MAP2: variants seen among roughly 807,000 people sequenced by gnomAD.
The protein encoded by MAP2 is microtubule-associated protein 2.
Under a neutral mutation model 137.6 loss-of-function variants are expected in MAP2, and 14 were observed. That is an observed-to-expected ratio of 0.10 (90% CI 0.07 to 0.16). The LOEUF (loss-of-function observed/expected upper bound fraction) is 0.16, where lower values mean the gene tolerates loss of function less well. Ranked by LOEUF, MAP2 falls within the 10% of genes least tolerant of loss-of-function variation. The probability of loss-of-function intolerance (pLI) is 1.00; values close to 1 mark genes in which losing one functional copy is unlikely to be tolerated. For missense variants in MAP2, 2,088 were observed against 2,191.5 expected (o/e 0.95, Z 0.94); for synonymous variants, 786 against 782.3 (o/e 1.00, Z -0.08).
chr2:209,447,211 T>C (rs1187307356), intron 1 of MAP2, among the ~76,000 whole-genome samples: 1 of 151,992 alleles, frequency 6.6e-6, no homozygotes, highest in Non-Finnish European at 1.5e-5. Flanking sequence ...AAGTGACATT[T>C]CATTAAATTG....
intron 2 of MAP2, among the ~76,000 whole-genome samples, chr2:209,554,205 T>C (rs1409845764): frequency 6.6e-6 from 1 of 152,210 alleles, no homozygotes; most frequent in Non-Finnish European, 1.5e-5. Context: ...TTCAGTCTTT[T>C]GGGTATTCAA....
chr2:209,652,501 T>A (rs533059918), intron 4 of MAP2, among the ~76,000 whole-genome samples: 5 of 152,166 alleles, frequency 3.3e-5, no homozygotes, highest in Admixed American at 6.5e-5. Context: ...ACTTTAAGTT[T>A]TAGGGTACAT....
intron 2 of MAP2, among the ~76,000 whole-genome samples, chr2:209,576,800 G>A (rs1253794081): frequency 1.3e-5 from 2 of 152,084 alleles, no homozygotes; most frequent in Non-Finnish European, 2.9e-5. Flanking sequence ...TCAATTGTCG[G>A]TTGTCTTGTA....
intron 2 of MAP2, among the ~76,000 whole-genome samples, chr2:209,526,786 T>A (rs540528505): frequency 1.8e-4 from 28 of 151,640 alleles, no homozygotes; most frequent in African/African-American, 3.4e-4. Context: ...TCTAACGGCA[T>A]CCCTGTTTTC....
chr2:209,467,068 C>T (rs1170912349), intron 1 of MAP2, among the ~76,000 whole-genome samples: 1 of 152,200 alleles, frequency 6.6e-6, no homozygotes, highest in East Asian at 1.9e-4. Context: ...AAGGAGAACA[C>T]TTCATGCCCA....
In MAP2 at chr2:209,488,546, A is replaced by G. The variant is rs568795430; in HGVS notation, c.-221-19046A>G. Among the ~76,000 whole-genome samples the G allele has an allele frequency of 3.3e-5, 5 of 152,258 alleles. No homozygotes were observed. In the East Asian group the frequency reaches 9.7e-4, roughly 30 times the overall value. ...AAGCTAAGATCCGCTGGCTTGAAACACTTGCTGCCAGCACAGCAGTCTGAA... is the reference window on the plus strand; with the variant it reads ...AAGCTAAGATCCGCTGGCTTGAAACGCTTGCTGCCAGCACAGCAGTCTGAA... On this transcript the variant is annotated intron_variant, in intron 1 of 15. Coordinates refer to ENST00000682079, the MANE Select transcript of MAP2 (RefSeq NM_001375505.1).
chr2:209,522,549 AT>A (rs2150410773), intron 2 of MAP2, among the ~76,000 whole-genome samples: 1 of 152,296 alleles, frequency 6.6e-6, no homozygotes, highest in African/African-American at 2.4e-5. Context: ...ATAATCAAGC[AT>A]TGTATTTCTG....
chr2:209,483,835 C>T lies in MAP2; in HGVS notation c.-221-23757C>T, dbSNP rs187115264. ...CACCATTTACTTTCATCCATCCTTTCATCATGGGGAAGATTAAATGGGACA... is the reference window on the plus strand; with the variant it reads ...CACCATTTACTTTCATCCATCCTTTTATCATGGGGAAGATTAAATGGGACA... On this transcript the variant is annotated intron_variant, in intron 1 of 15. Coordinates refer to ENST00000682079, the MANE Select transcript of MAP2 (RefSeq NM_001375505.1). Among the ~76,000 whole-genome samples, 468 of 152,270 alleles carry T rather than the reference C, an allele frequency of 3.1e-3. 6 individuals carry two copies. Among genetic ancestry groups the T allele is most frequent in the Non-Finnish European group, 8.2e-4 (56 of 68,022 alleles).
chr2:209,540,893 A>G (rs1255861358), intron 2 of MAP2, among the ~76,000 whole-genome samples: 1 of 150,786 alleles, frequency 6.6e-6, no homozygotes, highest in African/African-American at 2.5e-5. Flanking sequence ...GCCACGATAA[A>G]GCAAGTCACA....
At chr2:209,619,545 A>G (rs2090525677) in intron 3 of MAP2, among the ~76,000 whole-genome samples, 1 of 152,152 alleles carries the variant, frequency 6.6e-6, no homozygotes, top group South Asian at 2.1e-4. Flanking sequence ...AGTGTAGTAT[A>G]TAAATAAGCA....
chr2:209,699,426 G>A (rs2061169824), intron 10 of MAP2, among the ~76,000 whole-genome samples: 1 of 152,006 alleles, frequency 6.6e-6, no homozygotes, highest in South Asian at 2.1e-4. Flanking sequence ...TATCTTCTAA[G>A]CCCAATTTTC....
chr2:209,635,491 C>T (rs1194748240), intron 4 of MAP2, among the ~76,000 whole-genome samples: 1 of 152,154 alleles, frequency 6.6e-6, no homozygotes, highest in Non-Finnish European at 1.5e-5. Flanking sequence ...TTACAAATAA[C>T]CGTATATAGT....
chr2:209,514,053 A>G (rs781261903), intron 2 of MAP2, among the ~76,000 whole-genome samples: 5 of 152,146 alleles, frequency 3.3e-5, no homozygotes, highest in Admixed American at 6.6e-5. Context: ...TTGAAATGTG[A>G]TTCTGGAAGC....
chr2:209,453,702 A>AT (rs960628538), intron 1 of MAP2, among the ~76,000 whole-genome samples: 2 of 152,132 alleles, frequency 1.3e-5, no homozygotes, highest in African/African-American at 2.4e-5. Context: ...TCAATAAATT[A>AT]TTTTTTTAAA....
At chr2:209,615,007 C>T (rs1032894146) in intron 3 of MAP2, among the ~76,000 whole-genome samples, 3 of 152,174 alleles carry the variant, frequency 2.0e-5, no homozygotes, top group Non-Finnish European at 4.4e-5. Flanking sequence ...GTAGCACAGC[C>T]TGTATTTCCC....
intron 2 of MAP2, among the ~76,000 whole-genome samples, chr2:209,574,894 G>A (rs1174376574): frequency 6.6e-6 from 1 of 151,996 alleles, no homozygotes; most frequent in Non-Finnish European, 1.5e-5. Context: ...GAATACTAGG[G>A]GAAAGCATAA....
At chr2:209,652,563 G>T (rs539451363) in intron 4 of MAP2, among the ~76,000 whole-genome samples, 1 of 152,188 alleles carries the variant, frequency 6.6e-6, no homozygotes, top group East Asian at 1.9e-4. Flanking sequence ...TCTACCTTCG[G>T]CTTTAATTGA....
At chr2:209,624,873 C>T (rs1581119668) in intron 3 of MAP2, among the ~76,000 whole-genome samples, 180 bp from the exon 4 acceptor site, 2 of 152,236 alleles carry the variant, frequency 1.3e-5, no homozygotes, top group Non-Finnish European at 2.9e-5. Context: ...TGTGATAGTT[C>T]CCAGCCAGTG....
intron 10 of MAP2, among the ~76,000 whole-genome samples, chr2:209,697,343 G>T (rs1255273251): frequency 6.6e-6 from 1 of 151,980 alleles, no homozygotes; most frequent in African/African-American, 2.4e-5. Flanking sequence ...CTGTGTGTTT[G>T]GTTAGACGAT....
Sources: allele counts gnomAD v4.1 joint callset (sites outside exome capture counted in the v4.1 genomes callset), GRCh38; gene constraint gnomAD v4.1.1; transcripts MANE v1.5; gene names NCBI Gene and HGNC (gene_info 2026-07-23, HGNC 2026-07-21).